The following MMP16 variants were observed in gnomAD, a reference collection of about 807,000 sequenced individuals.
The protein encoded by MMP16 is matrix metalloproteinase-16.
MMP16 carries 12 observed loss-of-function variants against 67.8 expected under a neutral mutation model. The ratio of observed to expected loss-of-function variants is 0.18; its 90% CI spans 0.11 to 0.29. The LOEUF is 0.29. Among genes scored for constraint, MMP16 ranks in the 10% least tolerant of loss-of-function variants. MMP16 has a pLI of 1.00. For missense variants in MMP16, 475 were observed against 765.7 expected, an observed-to-expected ratio of 0.62 and a Z score of 4.48; for synonymous variants, 249 against 255.9, an observed-to-expected ratio of 0.97 and a Z score of 0.26.
At chr8:88,326,933 G>GA (rs948927275) in intron 1 of MMP16, 142 bp downstream of exon 1, 4 of 1,066,280 alleles carry the variant, frequency 3.8e-6, no homozygotes, top group Non-Finnish European at 5.4e-6. Flanking sequence ...CCCTTAAACT[G>GA]AACCAGGGTC....
intron 3 of MMP16, 154 bp downstream of exon 3, chr8:88,186,322 C>A: frequency 3.2e-6 from 3 of 924,322 alleles, no homozygotes; most frequent in Non-Finnish European, 4.8e-6. Context: ...GAACAATTTA[C>A]TCTCCTCTCA....
intron 6 of MMP16, among the ~76,000 whole-genome samples, chr8:88,097,536 G>C (rs1421439915): frequency 6.7e-6 from 1 of 150,112 alleles, no homozygotes; most frequent in Non-Finnish European, 1.5e-5. Context: ...TCAGGTGGGA[G>C]GGTCACTTGA....
intron 4 of MMP16, among the ~76,000 whole-genome samples, chr8:88,162,237 A>T (rs963826955): frequency 5.9e-5 from 9 of 151,970 alleles, no homozygotes; most frequent in African/African-American, 1.9e-4. Flanking sequence ...TGTAACTGAA[A>T]GGTTTTAAAA....
intron 6 of MMP16, among the ~76,000 whole-genome samples, chr8:88,097,948 T>A (rs1178889473): frequency 1.3e-5 from 2 of 151,992 alleles, no homozygotes; most frequent in South Asian, 4.2e-4. Context: ...TGCCAGGTCC[T>A]GCCCAAGACT....
intron 1 of MMP16, among the ~76,000 whole-genome samples, chr8:88,240,438 G>A (rs1020206578): frequency 6.6e-6 from 1 of 152,168 alleles, no homozygotes; most frequent in South Asian, 2.1e-4. Flanking sequence ...CAGTGTGTCA[G>A]GAGAGCAGCA....
intron 1 of MMP16, among the ~76,000 whole-genome samples, chr8:88,281,893 A>G (rs752550086): frequency 2.6e-5 from 4 of 152,082 alleles, no homozygotes; most frequent in Non-Finnish European, 5.9e-5. Context: ...CCTAACCACC[A>G]CAAGCTCTTC....
intron 6 of MMP16, among the ~76,000 whole-genome samples, chr8:88,095,869 T>C (rs1809017911): frequency 6.6e-6 from 1 of 151,926 alleles, no homozygotes; most frequent in Non-Finnish European, 1.5e-5. Flanking sequence ...CTAGGCGCTA[T>C]GCTAGGCATT....
intron 1 of MMP16, among the ~76,000 whole-genome samples, chr8:88,323,975 T>C (rs770362019): frequency 3.3e-5 from 5 of 152,198 alleles, no homozygotes; most frequent in Non-Finnish European, 7.4e-5. Context: ...ATATTAGCAA[T>C]GTTCCCTTGC....
chr8:88,050,448 T>A (rs1259342134), intron 8 of MMP16, among the ~76,000 whole-genome samples: 2 of 152,242 alleles, frequency 1.3e-5, no homozygotes, highest in African/African-American at 4.8e-5. Context: ...TGAGAAGTAG[T>A]TGCTTTTCAT....
At chr8:88,132,433 G>A (rs964313356) in intron 4 of MMP16, among the ~76,000 whole-genome samples, 1 of 151,828 alleles carries the variant, frequency 6.6e-6, no homozygotes, top group East Asian at 2.0e-4. Context: ...AGATTTTTGT[G>A]AGGTTTCAAA....
At chr8:88,151,853 T>G (rs1272127751) in intron 4 of MMP16, among the ~76,000 whole-genome samples, 95 of 110,330 alleles carry the variant, frequency 8.6e-4, no homozygotes, top group Non-Finnish European at 2.4e-4. Flanking sequence ...AGGCAAGAAA[T>G]AACTAAAATC....
At chr8:88,169,535 G>T (rs1312228412) in intron 3 of MMP16, among the ~76,000 whole-genome samples, 1 of 152,138 alleles carries the variant, frequency 6.6e-6, no homozygotes, top group African/African-American at 2.4e-5. Context: ...TAAATTCTGT[G>T]TTAGACCACA....
At chr8:88,124,451 T>G (rs1586163190) in intron 4 of MMP16, among the ~76,000 whole-genome samples, 2 of 152,018 alleles carry the variant, frequency 1.3e-5, no homozygotes, top group Non-Finnish European at 2.9e-5. Context: ...CAGAAACTTA[T>G]GTAAGCCCCC....
chr8:88,287,011 T>C (rs530322113), intron 1 of MMP16, among the ~76,000 whole-genome samples: 19 of 152,306 alleles, frequency 1.2e-4, no homozygotes, highest in South Asian at 6.2e-4. Context: ...ATCTGGTTTA[T>C]CTACAACCAC....
intron 4 of MMP16, among the ~76,000 whole-genome samples, chr8:88,133,556 T>C (rs1004438080): frequency 3.3e-5 from 5 of 151,864 alleles, no homozygotes; most frequent in African/African-American, 1.2e-4. Flanking sequence ...AGTAGTCACA[T>C]TCCTTACATG....
chr8:88,118,553 A>C lies in MMP16; in HGVS notation c.871+147T>G, dbSNP rs532014054. 9 of 655,614 alleles carry C rather than the reference A, an allele frequency of 1.4e-5. No individual in the cohort carries two copies. The East Asian group carries it at 2.5e-4, about 18-fold the overall frequency. The allele number at this position is 655,614 out of a possible 1,614,324, so 40.6% of individuals were successfully genotyped here. On this transcript the variant is annotated intron_variant, in intron 5 of 9. Transcript: ENST00000286614. ...GACCTTTGCCAACAAAATTCAGTTG[A>C]TAGAATAATTTTGCCAGTAGGCCAG...
At chr8:88,123,158 C>T (rs186237131) in intron 4 of MMP16, among the ~76,000 whole-genome samples, 6 of 152,062 alleles carry the variant, frequency 3.9e-5, no homozygotes, top group Non-Finnish European at 7.4e-5. Flanking sequence ...GGTATTTTAG[C>T]ACTCTATCTC....
At chr8:88,171,908 C>G (rs1808810393) in intron 3 of MMP16, among the ~76,000 whole-genome samples, 1 of 151,116 alleles carries the variant, frequency 6.6e-6, no homozygotes, top group Admixed American at 6.6e-5. Flanking sequence ...CTCACTGAAA[C>G]CTCCACCTCC....
rs575658345 is a variant in MMP16 at position 88,196,967 on chromosome 8, A to C, written c.281+191T>G. Among the ~76,000 whole-genome samples, 11 of 152,324 alleles carry C rather than the reference A, an allele frequency of 7.2e-5. No homozygotes were observed. The South Asian group carries it at 2.3e-3, about 32-fold the overall frequency. On this transcript the variant is annotated intron_variant, in intron 2 of 9. Coordinates refer to ENST00000286614, the MANE Select transcript of MMP16 (RefSeq NM_005941.5). ...CTATGTTGCTAAAATCAGGTAAGCA[A>C]ACCTGACATTGGGCCTTAAATATCT...
Sources: allele counts gnomAD v4.1 joint callset (sites outside exome capture counted in the v4.1 genomes callset), GRCh38; gene constraint gnomAD v4.1.1; transcripts MANE v1.5; gene names NCBI Gene and HGNC (gene_info 2026-07-23, HGNC 2026-07-21).